The following COL26A1 variants were observed in gnomAD, a reference collection of about 807,000 sequenced individuals.
The protein encoded by COL26A1 is collagen alpha-1(XXVI) chain.
In COL26A1, 41 loss-of-function variants were observed where a neutral mutation model predicts 59.3. The ratio of observed to expected loss-of-function variants is 0.69; its 90% confidence interval spans 0.54 to 0.90. COL26A1 has a LOEUF of 0.90. COL26A1 is among the 40% of genes least tolerant of loss of function. The pLI is 0.00. For missense variants in COL26A1, 612 were observed against 602.3 expected, an observed-to-expected ratio of 1.02 and a Z score of -0.17; for synonymous variants, 266 against 256.0, an observed-to-expected ratio of 1.04 and a Z score of -0.37.
At chr7:101,464,368 G>A (rs1793704808) in intron 3 of COL26A1, among the ~76,000 whole-genome samples, 1 of 151,634 alleles carries the variant, frequency 6.6e-6, no homozygotes, top group African/African-American at 2.4e-5. Flanking sequence ...CCAAAGTGCT[G>A]AGATTACAGG....
intron 3 of COL26A1, among the ~76,000 whole-genome samples, chr7:101,469,799 G>A (rs1428992611): frequency 4.0e-5 from 6 of 151,888 alleles, no homozygotes; most frequent in South Asian, 2.1e-4. Context: ...TGGTGTCCAC[G>A]ATTTCTGCCT....
At chr7:101,370,985 G>A (rs1225095937) in intron 1 of COL26A1, among the ~76,000 whole-genome samples, 1 of 152,122 alleles carries the variant, frequency 6.6e-6, no homozygotes, top group Non-Finnish European at 1.5e-5. Flanking sequence ...CCTCCTTGCA[G>A]ATGGAGTCAT....
At position 101,502,595 on chromosome 7, in the gene COL26A1, G is replaced by A. The variant is rs180853267; in HGVS notation, c.386-30487G>A. On this transcript the variant is annotated intron_variant, in intron 3 of 12. Transcript: ENST00000313669. ...CAGGTGCTGTGGAGAACACAGGACC[G>A]GGGCCGGAGTTGGGCTGGAGCTGGG... Among the ~76,000 whole-genome samples, 450 of 152,210 alleles carry A rather than the reference G, an allele frequency of 3.0e-3. 5 individuals carry two copies. The highest frequency in any genetic ancestry group is 0.026 in the Admixed American group (391 of 15,298).
At chr7:101,411,840 G>A (rs140619256) in intron 1 of COL26A1, among the ~76,000 whole-genome samples, 230 of 152,232 alleles carry the variant, frequency 1.5e-3, no homozygotes, top group African/African-American at 5.3e-3. Context: ...AGGCCTTGGG[G>A]CCTTGCAGAA....
At chr7:101,551,767 A>C (rs1343467628) in intron 10 of COL26A1, among the ~76,000 whole-genome samples, 1 of 149,648 alleles carries the variant, frequency 6.7e-6, no homozygotes, top group Non-Finnish European at 1.5e-5. Flanking sequence ...AAAAATTATG[A>C]GTATAGACTC....
chr7:101,512,285 A>G (rs1351478331), intron 3 of COL26A1, among the ~76,000 whole-genome samples: 5 of 152,152 alleles, frequency 3.3e-5, no homozygotes, highest in Non-Finnish European at 5.9e-5. Context: ...AAACTTGTCC[A>G]TCTTCTGTGT....
rs1033576649 is a variant in COL26A1 at position 101,557,903 on chromosome 7, G to C, written c.*373G>C. The C allele has an allele frequency of 4.7e-5, 8 of 171,644 alleles. No individual in the cohort carries two copies. Among genetic ancestry groups the C allele is most frequent in the African/African-American group, 1.9e-4 (8 of 42,276 alleles). The allele number at this position is 171,644 out of a possible 1,614,324, so 10.6% of individuals were successfully genotyped here. A position where few individuals can be genotyped will look rare whatever the true frequency, so the allele number is the denominator to read the frequency against. ...TCATTATTTAACCCTTAGGAGGTAA[G>C]CTTATTATCCCCACTTCACAAGGGG... On this transcript the variant is annotated 3_prime_UTR_variant, in exon 13 of 13. Transcript: ENST00000313669.
At chr7:101,424,354 T>C (rs769459292) in intron 2 of COL26A1, among the ~76,000 whole-genome samples, 1 of 152,088 alleles carries the variant, frequency 6.6e-6, no homozygotes, top group African/African-American at 2.4e-5. Flanking sequence ...TCCCGGCACT[T>C]TGGGGGGCCA....
At chr7:101,467,304 G>C (rs573831700) in intron 3 of COL26A1, among the ~76,000 whole-genome samples, 61 of 151,064 alleles carry the variant, frequency 4.0e-4, no homozygotes, top group African/African-American at 1.4e-3. Context: ...CCTCCCTCCT[G>C]CAGATAGAGA....
intron 1 of COL26A1, among the ~76,000 whole-genome samples, chr7:101,412,823 C>A (rs529394616): frequency 6.6e-6 from 1 of 152,182 alleles, no homozygotes; most frequent in South Asian, 2.1e-4. Context: ...TCCTTGAATT[C>A]TTTCCTGGGG....
chr7:101,406,690 C>CCTGT (rs1343281144), intron 1 of COL26A1, among the ~76,000 whole-genome samples: 2 of 152,170 alleles, frequency 1.3e-5, no homozygotes, highest in Non-Finnish European at 2.9e-5. Flanking sequence ...GTGGTGCAGG[C>CCTGT]CTGTAGTCCT....
chr7:101,502,405 C>T (rs186361549), intron 3 of COL26A1, among the ~76,000 whole-genome samples: 1 of 152,212 alleles, frequency 6.6e-6, no homozygotes, highest in African/African-American at 2.4e-5. Context: ...AAAATACACA[C>T]GGAATATATT....
At chr7:101,364,610 C>G (rs1303503222) in intron 1 of COL26A1, among the ~76,000 whole-genome samples, 1 of 151,456 alleles carries the variant, frequency 6.6e-6, no homozygotes, top group African/African-American at 2.4e-5. Flanking sequence ...TTGCTTGCTC[C>G]CCAGGCTGGA....
At chr7:101,409,614 T>C (rs376428062) in intron 1 of COL26A1, among the ~76,000 whole-genome samples, 6 of 152,258 alleles carry the variant, frequency 3.9e-5, no homozygotes, top group African/African-American at 1.4e-4. Flanking sequence ...TGTTACCACC[T>C]GATCAGGGTT....
chr7:101,547,376 C>T, intron 8 of COL26A1, 137 bp downstream of exon 8: 1 of 549,196 alleles, frequency 1.8e-6, no homozygotes, highest in Non-Finnish European at 3.3e-6. Flanking sequence ...GGGTCTGTCC[C>T]ACCCGCTGTG....
intron 1 of COL26A1, among the ~76,000 whole-genome samples, chr7:101,378,704 C>T (rs1193245874): frequency 6.6e-6 from 1 of 151,982 alleles, no homozygotes; most frequent in Non-Finnish European, 1.5e-5. Flanking sequence ...TGGTGGTTTG[C>T]AGCCTAAATA....
chr7:101,502,236 G>C (rs920415166), intron 3 of COL26A1, among the ~76,000 whole-genome samples: 3 of 152,172 alleles, frequency 2.0e-5, no homozygotes, highest in African/African-American at 7.2e-5. Context: ...CAGCTACTCA[G>C]GAGGCTGAGG....
At chr7:101,442,490 T>A (rs1793082938) in intron 2 of COL26A1, among the ~76,000 whole-genome samples, 1 of 152,140 alleles carries the variant, frequency 6.6e-6, no homozygotes, top group Non-Finnish European at 1.5e-5. Flanking sequence ...CATAGAAACA[T>A]ATTTGGGGTT....
intron 3 of COL26A1, among the ~76,000 whole-genome samples, chr7:101,493,493 C>G (rs1019865863): frequency 6.6e-6 from 1 of 152,118 alleles, no homozygotes; most frequent in African/African-American, 2.4e-5. Context: ...GGCCAGGGCT[C>G]TTCGCTTGTG....
Sources: allele counts gnomAD v4.1 joint callset (sites outside exome capture counted in the v4.1 genomes callset), GRCh38; gene constraint gnomAD v4.1.1; transcripts MANE v1.5; gene names NCBI Gene and HGNC (gene_info 2026-07-23, HGNC 2026-07-21).